The following MARCOL variants were observed in gnomAD, a reference collection of about 807,000 sequenced individuals.
MARCOL encodes MARCO-like protein.
chr5:148,238,761 CAG>C (rs1271382645), intron 1 of MARCOL, 115 bp downstream of exon 1: 1 of 394,518 alleles, frequency 2.5e-6, no homozygotes, highest in East Asian at 3.6e-5. Context: ...ATCCATCAGA[CAG>C]AGAAATGGAA....
chr5:148,239,387 A>G (rs1001661710), intron 1 of MARCOL, among the ~76,000 whole-genome samples: 20 of 151,968 alleles, frequency 1.3e-4, no homozygotes, highest in African/African-American at 4.6e-4. Context: ...CCACTTGACC[A>G]TCTTTCTTAT....
chr5:148,241,765 A>G (rs2113341016), intron 1 of MARCOL, among the ~76,000 whole-genome samples: 1 of 152,250 alleles, frequency 6.6e-6, no homozygotes, highest in Middle Eastern at 3.4e-3. Context: ...AATAATCGTG[A>G]TATTTACCAT....
At chr5:148,242,346 A>G (rs546186327) in intron 1 of MARCOL, 100 bp from the exon 2 acceptor site, 1 of 394,700 alleles carries the variant, frequency 2.5e-6, no homozygotes, top group East Asian at 3.6e-5. Context: ...TCAAGAAAGC[A>G]TTAAAAACAT....
At chr5:148,240,800 C>T (rs1312845922) in intron 1 of MARCOL, among the ~76,000 whole-genome samples, 4 of 151,814 alleles carry the variant, frequency 2.6e-5, no homozygotes, top group African/African-American at 9.7e-5. Context: ...AATATTTTTT[C>T]TCATTAATTT....
chr5:148,241,796 A>C (rs1755969096), intron 1 of MARCOL, among the ~76,000 whole-genome samples: 2 of 152,172 alleles, frequency 1.3e-5, no homozygotes, highest in Non-Finnish European at 2.9e-5. Context: ...AATTTGACCA[A>C]AATAGAAAGA....
chr5:148,243,191 G>C lies in MARCOL; in HGVS notation c.795G>C (p.Gly265=), dbSNP rs1755987949. Residue 265 remains glycine, a synonymous_variant, in exon 2 of 2, where the codon GGG becomes GGC. Coordinates refer to ENST00000638089, the MANE Select transcript of MARCOL (RefSeq NM_001363511.2). ...QGNLHLSSQQ[G]NQGPSSKQRK... ...ATCTACATTTATCTAGCCAGCAAGG[G>C]AATCAAGGACCTTCTAGCAAACAGA... is the stretch of plus-strand genomic sequence containing the variant. 2.5e-6 allele frequency: 1 copy of C among 398,928 alleles called. No homozygotes were observed. Among genetic ancestry groups the C allele is most frequent in the Admixed American group, 4.4e-5 (1 of 22,658 alleles). 24.7% of individuals were successfully genotyped at this position (398,928 alleles called of 1,614,324 possible). A position where few individuals can be genotyped will look rare whatever the true frequency, so the allele number is the denominator to read the frequency against.
chr5:148,242,353 A>C (rs1755975293), intron 1 of MARCOL, 93 bp from the exon 2 acceptor site: 1 of 395,012 alleles, frequency 2.5e-6, no homozygotes, highest in African/African-American at 2.1e-5. Flanking sequence ...AGCATTAAAA[A>C]CATACTATAT....
intron 1 of MARCOL, among the ~76,000 whole-genome samples, chr5:148,242,140 C>G (rs572745022): frequency 1.2e-4 from 18 of 152,118 alleles, no homozygotes; most frequent in Admixed American, 1.0e-3. Context: ...ATCAGAAAAC[C>G]ATTTAAAGGA....
intron 1 of MARCOL, among the ~76,000 whole-genome samples, chr5:148,240,607 C>T (rs9325089): frequency 0.92 from 139,596 of 151,798 alleles, 64,226 homozygotes; most frequent in Middle Eastern, 0.97. Context: ...CCCATTTACT[C>T]GTGTCACCTG....
chr5:148,242,756 G>T lies in MARCOL; in HGVS notation c.360G>T (p.Gln120His), dbSNP rs1755981359. Residue 120 changes from glutamine (Q) to histidine (H), a missense_variant, in exon 2 of 2, where the codon CAG becomes CAT. Transcript: ENST00000638089. ...QKGNPESSNKQENSGSSSQLG... is the reference protein window; with the variant it reads ...QKGNPESSNKHENSGSSSQLG... ...GGAATCCAGAATCTTCTAATAAGCAGGAAAACTCAGGATCTTCTAGCCAAC... is the reference window on the plus strand; with the variant it reads ...GGAATCCAGAATCTTCTAATAAGCATGAAAACTCAGGATCTTCTAGCCAAC... The T allele has an allele frequency of 2.5e-6, 1 of 398,290 alleles. No individual in the cohort carries two copies. Among genetic ancestry groups the T allele is most frequent in the South Asian group, 1.3e-4 (1 of 7,854 alleles). The allele number at this position is 398,290 out of a possible 1,614,324, so 24.7% of individuals were successfully genotyped here.
chr5:148,239,008 C>G (rs1400714881), intron 1 of MARCOL, among the ~76,000 whole-genome samples: 2 of 152,036 alleles, frequency 1.3e-5, no homozygotes, highest in Non-Finnish European at 1.5e-5. Context: ...ACTACATGGT[C>G]AAATAATAAT....
intron 1 of MARCOL, among the ~76,000 whole-genome samples, chr5:148,239,678 A>G (rs1755943345): frequency 6.6e-6 from 1 of 151,872 alleles, no homozygotes; most frequent in Non-Finnish European, 1.5e-5. Flanking sequence ...ATAGAATTAG[A>G]GAAAGGAGAA....
intron 1 of MARCOL, among the ~76,000 whole-genome samples, chr5:148,241,524 CAAAAAAA>C (rs71001486): frequency 8.7e-5 from 11 of 126,368 alleles, no homozygotes; most frequent in African/African-American, 3.1e-4. Flanking sequence ...ACACTTCTAC[CAAAAAAA>C]AAAAAAAAAA....
rs1755984043 is a variant in MARCOL, at chr5:148,242,935, C to A, written c.539C>A (p.Ser180Ter). ...AGCCAACACGGGAATCTAGGGTCATCAACCCAGAAAGGGAATTTAGGATCT... is the reference window on the plus strand; with the variant it reads ...AGCCAACACGGGAATCTAGGGTCATAAACCCAGAAAGGGAATTTAGGATCT... ...SSSQHGNLGS[S>*]TQKGNLGSSS... Residue 180 changes from serine (S) to a stop codon, truncating the protein, a stop_gained, in exon 2 of 2, where the codon TCA becomes TAA. Transcript: ENST00000638089. LOFTEE classifies it low-confidence loss of function (END_TRUNC). 2.5e-6 allele frequency: 1 copy of A among 398,908 alleles called. No homozygotes were observed. The allele number at this position is 398,908 out of a possible 1,614,324, so 24.7% of individuals were successfully genotyped here. A position where few individuals can be genotyped will look rare whatever the true frequency, so the allele number is the denominator to read the frequency against.
At chr5:148,240,697 A>G (rs1177654589) in intron 1 of MARCOL, among the ~76,000 whole-genome samples, 1 of 151,798 alleles carries the variant, frequency 6.6e-6, no homozygotes, top group East Asian at 1.9e-4. Flanking sequence ...ACTTTAATTG[A>G]TTTCTACTTG....
At chr5:148,238,787 T>C (rs13152992) in intron 1 of MARCOL, 141 bp downstream of exon 1, 332,803 of 391,550 alleles carry the variant, frequency 0.85, 146,228 homozygotes, top group Middle Eastern at 0.93. Context: ...GGTAAATTTC[T>C]GACAAAATAA....
intron 1 of MARCOL, among the ~76,000 whole-genome samples, chr5:148,241,238 A>G (rs938359996): frequency 6.6e-6 from 1 of 152,034 alleles, no homozygotes; most frequent in South Asian, 2.1e-4. Flanking sequence ...ATTGACTATC[A>G]TTTGACTTTG....
intron 1 of MARCOL, among the ~76,000 whole-genome samples, chr5:148,241,090 A>G (rs1314581588): frequency 6.6e-6 from 1 of 151,968 alleles, no homozygotes; most frequent in Non-Finnish European, 1.5e-5. Context: ...TGTTAAATTG[A>G]ATGAATGGCT....
At chr5:148,240,396 G>C (rs12516071) in intron 1 of MARCOL, among the ~76,000 whole-genome samples, 1 of 151,684 alleles carries the variant, frequency 6.6e-6, no homozygotes. Context: ...AATACATAGG[G>C]TATCCATCAA....
Sources: gnomAD v4.1 joint callset for allele counts (sites outside exome capture counted in the v4.1 genomes callset) on GRCh38, gnomAD v4.1.1 for gene constraint, MANE v1.5 for transcripts, NCBI Gene and HGNC (gene_info 2026-07-23, HGNC 2026-07-21) for gene names.